Variants in ITPR1 observed in about 807,000 individuals in gnomAD.
The protein encoded by ITPR1 is inositol 1,4,5-trisphosphate receptor type 1, also known as inositol 1,4,5-trisphosphate-gated calcium channel ITPR1.
A neutral mutation model predicts 318.4 loss-of-function variants in ITPR1; 96 were observed. The observed-to-expected ratio is 0.30, with a 90% CI of 0.26 to 0.36. The LOEUF (loss-of-function observed/expected upper bound fraction) is 0.36, where lower values mean the gene tolerates loss of function less well. Among genes scored for constraint, ITPR1 ranks in the 10% least tolerant of loss-of-function variants. The pLI is 1.00. For missense variants in ITPR1, 2,440 were observed against 3,460.2 expected, an observed-to-expected ratio of 0.71 and a Z score of 7.40; for synonymous variants, 1,312 against 1,289.9, an observed-to-expected ratio of 1.02 and a Z score of -0.37.
chr3:4,735,149 A>G lies in ITPR1; in HGVS notation c.5354-15A>G. ...TCTGATTGTGCTTAGTAAAAACAAT[A>G]TTCCATCTTCTTAGGGGGAGGTTCC... On this transcript the variant is annotated splice_polypyrimidine_tract_variant and intron_variant, in intron 43 of 61. Coordinates refer to ENST00000649015, the MANE Select transcript of ITPR1 (RefSeq NM_001378452.1). 1.2e-6 allele frequency: 2 copies of G among 1,606,750 alleles called. No homozygotes were observed. Among genetic ancestry groups the G allele is most frequent in the Non-Finnish European group, 1.7e-6 (2 of 1,173,924 alleles).
At chr3:4,704,995 G>T (rs1480349069) in intron 36 of ITPR1, among the ~76,000 whole-genome samples, 2 of 151,972 alleles carry the variant, frequency 1.3e-5, no homozygotes, top group Non-Finnish European at 2.9e-5. Flanking sequence ...GAAAGTTGTT[G>T]GCTGGCTTAT....
chr3:4,831,315 G>C (rs1176954738), intron 60 of ITPR1: 1 of 263,796 alleles, frequency 3.8e-6, no homozygotes, highest in Admixed American at 4.5e-5. Flanking sequence ...CTTGTGGTCA[G>C]CCTGCTTCCG....
chr3:4,693,698 A>G lies in ITPR1; in HGVS notation c.4238A>G (p.Asp1413Gly). 6.2e-7 allele frequency: 1 copy of G among 1,613,982 alleles called. No homozygotes were observed. The highest frequency in any genetic ancestry group is 8.5e-7 in the Non-Finnish European group (1 of 1,179,904). Reference protein sequence around the residue: ...EIKCNSLLPLDDIVRVVTHED... With the variant: ...EIKCNSLLPLGDIVRVVTHED... The stretch of plus-strand genomic sequence containing the variant: ...AAGTGCAACTCCCTGCTCCCGCTGG[A>G]TGACATCGTTCGCGTGGTGACCCAC... The change falls in exon 33 of 62, where the codon GAT becomes GGT. Residue 1413 changes from aspartate to glycine, a missense_variant. By Grantham distance (94) the Asp-to-Gly change is moderately conservative. Transcript: ENST00000649015.
At chr3:4,605,929 A>T (rs1224783491) in intron 4 of ITPR1, among the ~76,000 whole-genome samples, 3 of 152,110 alleles carry the variant, frequency 2.0e-5, no homozygotes, top group Non-Finnish European at 1.5e-5. Context: ...ATCAGACAGG[A>T]AAGAGAGAAG....
intron 8 of ITPR1, among the ~76,000 whole-genome samples, 156 bp downstream of exon 8, chr3:4,644,390 C>T (rs1008646975): frequency 3.3e-5 from 5 of 152,156 alleles, no homozygotes; most frequent in Non-Finnish European, 7.4e-5. Flanking sequence ...TCAAGGCTGC[C>T]GTGTAAGGTT....
chr3:4,681,839 C>G (rs2094308420), intron 26 of ITPR1, among the ~76,000 whole-genome samples: 1 of 152,056 alleles, frequency 6.6e-6, no homozygotes, highest in African/African-American at 2.4e-5. Flanking sequence ...TATCCCTGAG[C>G]TCCTTACAGG....
In ITPR1 at chr3:4,523,312, T is replaced by C. The variant is rs2082708503; in HGVS notation, c.163+2218T>C. Among the ~76,000 whole-genome samples, 3 of 152,306 alleles carry C rather than the reference T, an allele frequency of 2.0e-5. No individual in the cohort carries two copies. In the South Asian group the frequency reaches 6.2e-4, roughly 32 times the overall value. On this transcript the variant is annotated intron_variant, in intron 4 of 61. Transcript: ENST00000649015. ...ACAAATACATGCACATAATTTAAAA[T>C]TTTGTTTTTTAAATCGACATATATT...
intron 44 of ITPR1, among the ~76,000 whole-genome samples, chr3:4,759,251 G>A (rs1231926745): frequency 6.6e-6 from 1 of 152,220 alleles, no homozygotes; most frequent in Admixed American, 6.5e-5. Context: ...GAGGATGGGG[G>A]AGCCAGGCTA....
At chr3:4,818,595 C>T (rs912998232) in intron 60 of ITPR1, among the ~76,000 whole-genome samples, 1 of 151,912 alleles carries the variant, frequency 6.6e-6, no homozygotes, top group African/African-American at 2.4e-5. Flanking sequence ...TGCTTTTTTC[C>T]CCTTTCTTTT....
At chr3:4,754,445 GT>G (rs1342452017) in intron 44 of ITPR1, among the ~76,000 whole-genome samples, 4 of 152,186 alleles carry the variant, frequency 2.6e-5, no homozygotes, top group African/African-American at 9.7e-5. Context: ...CCTGGCCACA[GT>G]TCCCACAGTG....
intron 7 of ITPR1, among the ~76,000 whole-genome samples, chr3:4,643,634 A>G (rs1452133579): frequency 4.0e-5 from 6 of 151,866 alleles, no homozygotes; most frequent in African/African-American, 1.5e-4. Context: ...TTACATATAT[A>G]TATAGTATTA....
intron 52 of ITPR1, among the ~76,000 whole-genome samples, chr3:4,789,211 A>G (rs1417078486): frequency 6.6e-6 from 1 of 152,146 alleles, no homozygotes; most frequent in Non-Finnish European, 1.5e-5. Context: ...GGCCAAATCC[A>G]TCCCTCAGCC....
intron 44 of ITPR1, among the ~76,000 whole-genome samples, chr3:4,766,169 C>T (rs2045804417): frequency 6.6e-6 from 1 of 152,170 alleles, no homozygotes; most frequent in South Asian, 2.1e-4. Flanking sequence ...ATTGGCCCTG[C>T]AGTAATCCCC....
intron 24 of ITPR1, among the ~76,000 whole-genome samples, chr3:4,679,960 G>A (rs1193890925): frequency 1.3e-5 from 2 of 152,128 alleles, no homozygotes; most frequent in East Asian, 3.9e-4. Context: ...ATCCCTACAT[G>A]ATGTCAGCTG....
At chr3:4,497,684 A>G (rs1344199846) in intron 2 of ITPR1, among the ~76,000 whole-genome samples, 2 of 152,230 alleles carry the variant, frequency 1.3e-5, no homozygotes, top group Non-Finnish European at 2.9e-5. Flanking sequence ...AAATTACTAT[A>G]TGTCCCAGCA....
chr3:4,797,060 G>A lies in ITPR1; in HGVS notation c.6931+1873G>A, dbSNP rs190155578. Among the ~76,000 whole-genome samples the A allele has an allele frequency of 4.1e-4, 62 of 152,162 alleles. 1 individual carries two copies. The highest frequency in any genetic ancestry group is 3.8e-3 in the Admixed American group (58 of 15,268). The stretch of plus-strand genomic sequence containing the variant: ...ACTCAGGCTGGTCTGCAGGAGGCAA[G>A]GATGCATGGTTTGGAATCATGGGCT... On this transcript the variant is annotated intron_variant, in intron 53 of 61. Coordinates refer to ENST00000649015, the MANE Select transcript of ITPR1 (RefSeq NM_001378452.1).
At chr3:4,542,549 C>G (rs1448028474) in intron 4 of ITPR1, among the ~76,000 whole-genome samples, 1 of 152,090 alleles carries the variant, frequency 6.6e-6, no homozygotes, top group Non-Finnish European at 1.5e-5. Context: ...ACTTATTTAT[C>G]TTGACTTTGG....
chr3:4,767,502 G>A lies in ITPR1; in HGVS notation c.5725+792G>A, dbSNP rs149757675. Among the ~76,000 whole-genome samples the A allele has an allele frequency of 3.3e-3, 505 of 152,306 alleles. 2 individuals carry two copies. The highest frequency in any genetic ancestry group is 0.012 in the African/African-American group (484 of 41,570). On this transcript the variant is annotated intron_variant, in intron 45 of 61. Coordinates refer to ENST00000649015, the MANE Select transcript of ITPR1 (RefSeq NM_001378452.1). ...TTACTAAGTGCTTACTAGGAATCAG[G>A]CACTGTTCAACGTTCTTTTTTAAAA...
chr3:4,522,922 C>T (rs2124931332), intron 4 of ITPR1, among the ~76,000 whole-genome samples: 1 of 152,306 alleles, frequency 6.6e-6, no homozygotes, highest in Admixed American at 6.5e-5. Flanking sequence ...TTTGGCTGCA[C>T]AGGGAGATCA....
Sources: allele counts gnomAD v4.1 joint callset (sites outside exome capture counted in the v4.1 genomes callset), GRCh38; gene constraint gnomAD v4.1.1; transcripts MANE v1.5; gene names NCBI Gene and HGNC (gene_info 2026-07-23, HGNC 2026-07-21).